CRYBB2: variants seen among roughly 807,000 people sequenced by gnomAD.
The protein encoded by CRYBB2 is crystallin beta B2.
CRYBB2 carries 12 observed loss-of-function variants against 24.3 expected under a neutral mutation model. The ratio of observed to expected loss-of-function variants is 0.49; its 90% CI spans 0.32 to 0.80. CRYBB2 has a LOEUF of 0.80. CRYBB2 is among the 30% of genes least tolerant of loss of function. The pLI is 0.04. For synonymous variants in CRYBB2, 98 were observed against 101.6 expected (o/e 0.96, Z 0.21); for missense variants, 198 against 268.5 (o/e 0.74, Z 1.83).
intron 2 of CRYBB2, among the ~76,000 whole-genome samples, chr22:25,223,172 C>G (rs866665274): frequency 6.6e-6 from 1 of 152,168 alleles, no homozygotes; most frequent in African/African-American, 2.4e-5. Flanking sequence ...GCACCCCAGG[C>G]CTGCTACCTC....
chr22:25,213,290 T>A (rs1935128427), intron 1 of CRYBB2: 1 of 152,138 alleles, frequency 6.6e-6, no homozygotes, highest in African/African-American at 2.4e-5. Flanking sequence ...AAGTTAAATA[T>A]TGTTTGTCCA....
chr22:25,225,596 A>G (rs1935398876), intron 3 of CRYBB2, among the ~76,000 whole-genome samples: 1 of 152,170 alleles, frequency 6.6e-6, no homozygotes, highest in Non-Finnish European at 1.5e-5. Flanking sequence ...ACCTTATGTG[A>G]TGTAGCTGAG....
chr22:25,216,507 G>A (rs1406244085), upstream of CRYBB2, among the ~76,000 whole-genome samples: 1 of 152,224 alleles, frequency 6.6e-6, no homozygotes, highest in African/African-American at 2.4e-5. Flanking sequence ...GGAGAGACAA[G>A]GAAGGACCCT....
intron 4 of CRYBB2, 28 bp downstream of exon 4, chr22:25,228,013 C>T: frequency 3.7e-6 from 6 of 1,613,906 alleles, no homozygotes; most frequent in African/African-American, 1.3e-5. Flanking sequence ...ACCCTACTCC[C>T]TCTCTCTGCC....
Position 25,231,787 on chromosome 22 carries a change from T to A in CRYBB2, c.*15T>A. On this transcript the variant is annotated 3_prime_UTR_variant, in exon 6 of 6. Coordinates refer to ENST00000398215, the MANE Select transcript of CRYBB2 (RefSeq NM_000496.3). ...CCTCCAACTAGTGCCCTCCCCACCATGCCTCCTTCCCAGGACCCAGGTCTG... is the reference window on the plus strand; with the variant it reads ...CCTCCAACTAGTGCCCTCCCCACCAAGCCTCCTTCCCAGGACCCAGGTCTG... The A allele has an allele frequency of 6.2e-7, 1 of 1,613,504 alleles. No homozygotes were observed.
At chr22:25,222,468 G>A (rs1935337801) in intron 2 of CRYBB2, among the ~76,000 whole-genome samples, 1 of 152,198 alleles carries the variant, frequency 6.6e-6, no homozygotes, top group Admixed American at 6.5e-5. Context: ...AAGTGAGGAA[G>A]CGGCTATATG....
chr22:25,221,529 A>C, intron 2 of CRYBB2, 46 bp downstream of exon 2: 4 of 1,451,846 alleles, frequency 2.8e-6, no homozygotes, highest in Non-Finnish European at 2.9e-6. Flanking sequence ...CCTCCCCCAG[A>C]CTTAGTTGCC....
chr22:25,218,121 T>C (rs1225387319), upstream of CRYBB2, among the ~76,000 whole-genome samples: 1 of 150,492 alleles, frequency 6.6e-6, no homozygotes, highest in African/African-American at 2.5e-5. Flanking sequence ...TAGCCGGGCG[T>C]GTTGGCGGGC....
At chr22:25,223,622 G>A (rs927028544) in intron 2 of CRYBB2, among the ~76,000 whole-genome samples, 2 of 152,172 alleles carry the variant, frequency 1.3e-5, no homozygotes, top group East Asian at 1.9e-4. Flanking sequence ...GATTGAGCCC[G>A]TGGAATTTGC....
upstream of CRYBB2, among the ~76,000 whole-genome samples, chr22:25,218,818 G>GAAAGAAAGAAAGAAAGAAAGA (rs1569016422): frequency 6.9e-4 from 45 of 65,306 alleles, 3 homozygotes; most frequent in African/African-American, 3.4e-3. Flanking sequence ...AAGAAAGAAA[G>GAAAGAAAGAAAGAAAGAAAGA]AAAGAAAGAA....
intron 3 of CRYBB2, among the ~76,000 whole-genome samples, chr22:25,226,060 G>A (rs535604205): frequency 2.8e-4 from 43 of 151,504 alleles, no homozygotes; most frequent in African/African-American, 8.5e-4. Flanking sequence ...ATTAATTATC[G>A]TTTATTTTAA....
At position 25,229,682 on chromosome 22, in the gene CRYBB2, G is replaced by A. The variant is rs4049507; in HGVS notation, c.449+104G>A. ...CACGCTGGTGATCTTGCACACATCA[G>A]TGTGCTCTGCTGACCTCTGGCTTCC... is the stretch of plus-strand genomic sequence containing the variant. On this transcript the variant is annotated intron_variant, in intron 5 of 5. Transcript: ENST00000398215. The A allele has an allele frequency of 5.7e-4, 862 of 1,525,260 alleles. 2 individuals carry two copies. In the Middle Eastern group the frequency reaches 6.7e-3, roughly 12 times the overall value. The allele number at this position is 1,525,260 out of a possible 1,614,324, so 94.5% of individuals were successfully genotyped here.
chr22:25,214,891 A>T (rs1222232776), upstream of CRYBB2, among the ~76,000 whole-genome samples: 1 of 152,222 alleles, frequency 6.6e-6, no homozygotes, highest in Non-Finnish European at 1.5e-5. Context: ...TCTGAGCCTC[A>T]CTTTGCTTAT....
At chr22:25,224,142 A>AAAAAG (rs1935372703) in intron 2 of CRYBB2, among the ~76,000 whole-genome samples, 1 of 149,556 alleles carries the variant, frequency 6.7e-6, no homozygotes, top group South Asian at 2.1e-4. Context: ...AAAACAAAAA[A>AAAAAG]CCTCACTGGA....
chr22:25,225,343 T>C (rs1935393294), intron 3 of CRYBB2, among the ~76,000 whole-genome samples: 1 of 152,130 alleles, frequency 6.6e-6, no homozygotes, highest in Non-Finnish European at 1.5e-5. Context: ...GAAAGCCTGA[T>C]ACAGAGGTCA....
upstream of CRYBB2, among the ~76,000 whole-genome samples, chr22:25,216,093 G>A (rs540998461): frequency 1.5e-4 from 23 of 152,226 alleles, no homozygotes; most frequent in Non-Finnish European, 2.9e-4. Flanking sequence ...TGATACAATC[G>A]AAATGTTAGG....
At chr22:25,231,013 C>T (rs1426167449) in intron 5 of CRYBB2, among the ~76,000 whole-genome samples, 1 of 152,098 alleles carries the variant, frequency 6.6e-6, no homozygotes, top group Non-Finnish European at 1.5e-5. Flanking sequence ...TCTACAAAGG[C>T]CATGGTGGCT....
At chr22:25,218,790 GAAAGAAAGA>G (rs1233281703), upstream of CRYBB2, among the ~76,000 whole-genome samples, 19 of 84,968 alleles carry the variant, frequency 2.2e-4, no homozygotes, top group East Asian at 7.3e-3. Flanking sequence ...AAGAAAGAAA[GAAAGAAAGA>G]AAGAAAGAAA....
intron 1 of CRYBB2, among the ~76,000 whole-genome samples, chr22:25,214,039 C>G (rs1049921455): frequency 2.0e-5 from 3 of 152,214 alleles, no homozygotes; most frequent in African/African-American, 7.2e-5. Context: ...CAGGTCACAT[C>G]AAAAGCCTTT....
Sources: allele counts gnomAD v4.1 joint callset (sites outside exome capture counted in the v4.1 genomes callset), GRCh38; gene constraint gnomAD v4.1.1; transcripts MANE v1.5; gene names NCBI Gene and HGNC (gene_info 2026-07-23, HGNC 2026-07-21).